The following TTC39A variants were observed in gnomAD, a reference collection of about 807,000 sequenced individuals.
TTC39A encodes the protein tetratricopeptide repeat domain 39A.
A neutral mutation model predicts 82.3 loss-of-function variants in TTC39A; 46 were observed. The observed-to-expected ratio is 0.56, with a 90% confidence interval of 0.44 to 0.71. The LOEUF (loss-of-function observed/expected upper bound fraction) is 0.71. Among genes scored for constraint, TTC39A ranks in the 30% least tolerant of loss-of-function variants. The probability of loss-of-function intolerance (pLI) is 0.00; values close to 1 mark genes in which losing one functional copy is unlikely to be tolerated. For synonymous variants in TTC39A, 254 were observed against 275.2 expected (o/e 0.92, Z 0.76); for missense variants, 543 against 712.9 (o/e 0.76, Z 2.71).
upstream of TTC39A, among the ~76,000 whole-genome samples, chr1:51,332,121 C>T (rs999221062): frequency 6.6e-6 from 1 of 152,196 alleles, no homozygotes; most frequent in African/African-American, 2.4e-5. Context: ...ATTCATGTAA[C>T]CGGGGGTGGA....
chr1:51,342,379 G>A (rs1646047743), intron 1 of TTC39A, among the ~76,000 whole-genome samples: 1 of 152,122 alleles, frequency 6.6e-6, no homozygotes, highest in Admixed American at 6.5e-5. Context: ...GTGACTGTTA[G>A]GTCCTTTACA....
upstream of TTC39A, chr1:51,331,286 A>G: frequency 6.5e-7 from 1 of 1,534,530 alleles, no homozygotes; most frequent in South Asian, 1.2e-5. Context: ...AACGCTCCCC[A>G]AATGTCCACT....
Position 51,312,141 on chromosome 1 carries a change from G to A in TTC39A, c.333C>T (p.Pro111=). ...TDSFSSLVNR[P]TLGQFTEEEI... ...CACCTTCAGTGAATTGGCCCAGCGT[G>A]GGGCGGTTCACCAGGCTGCTGAAGG... The change falls in exon 4 of 18, where the codon CCC becomes CCT. Residue 111 remains proline (P), a synonymous_variant. Coordinates refer to ENST00000680483, the MANE Select transcript of TTC39A (RefSeq NM_001297663.2). 2 of 1,611,662 alleles carry A rather than the reference G, an allele frequency of 1.2e-6. No individual in the cohort carries two copies. The highest frequency in any genetic ancestry group is 1.1e-5 in the South Asian group (1 of 90,308).
intron 1 of TTC39A, among the ~76,000 whole-genome samples, chr1:51,328,181 C>CTATTT (rs759792024): frequency 3.4e-4 from 51 of 152,224 alleles, no homozygotes; most frequent in South Asian, 1.0e-3. Context: ...GATCCTGTCT[C>CTATTT]TATTTTATTT....
At chr1:51,300,153 TG>T (rs1644597157) in intron 12 of TTC39A, 1 of 152,298 alleles carries the variant, frequency 6.6e-6, no homozygotes, top group Non-Finnish European at 1.5e-5. Context: ...AACAGCCATG[TG>T]GGTGGGAAAG....
chr1:51,330,755 G>A (rs933175700), upstream of TTC39A: 10 of 491,762 alleles, frequency 2.0e-5, no homozygotes, highest in Non-Finnish European at 2.9e-5. This position sits in a 1 kb window ranked among gnomAD's most constrained non-coding sequence, Gnocchi z 4.5. Flanking sequence ...CGCCCTCTGC[G>A]CAGACACCGC....
intron 15 of TTC39A, 76 bp downstream of exon 15, chr1:51,290,438 C>T: frequency 7.5e-7 from 1 of 1,325,558 alleles, no homozygotes; most frequent in Non-Finnish European, 1.0e-6. Context: ...GGAGGAAGGA[C>T]ATTTTTGGCA....
chr1:51,340,534 T>G (rs1646021753), intron 1 of TTC39A, among the ~76,000 whole-genome samples: 1 of 152,124 alleles, frequency 6.6e-6, no homozygotes, highest in Admixed American at 6.5e-5. Context: ...GCCCCCTTTC[T>G]CCTCCCCTCC....
chr1:51,320,872 T>G (rs1218372501), intron 2 of TTC39A, among the ~76,000 whole-genome samples: 3 of 108,322 alleles, frequency 2.8e-5, no homozygotes, highest in Non-Finnish European at 5.1e-5. Context: ...TGTTTTCTGG[T>G]TTTTTTTTTT....
chr1:51,317,179 G>C (rs1645315858), intron 2 of TTC39A, among the ~76,000 whole-genome samples: 2 of 152,200 alleles, frequency 1.3e-5, no homozygotes, highest in South Asian at 4.1e-4. Context: ...CACTGCATGG[G>C]ACCAGGACAA....
At chr1:51,330,756 C>G (rs1645889144), upstream of TTC39A, 1 of 502,934 alleles carries the variant, frequency 2.0e-6, no homozygotes, top group African/African-American at 2.0e-5. This position sits in a 1 kb window ranked among gnomAD's most constrained non-coding sequence, Gnocchi z 4.5. Flanking sequence ...GCCCTCTGCG[C>G]AGACACCGCC....
chr1:51,335,205 C>T (rs1365214243), upstream of TTC39A: 1 of 152,146 alleles, frequency 6.6e-6, no homozygotes, highest in Non-Finnish European at 1.5e-5. Flanking sequence ...TCTCAATGGC[C>T]CTGAGAACTT....
chr1:51,290,741 A>G, intron 14 of TTC39A, 116 bp from the exon 15 acceptor site: 2 of 766,850 alleles, frequency 2.6e-6, no homozygotes, highest in Non-Finnish European at 4.3e-6. Flanking sequence ...TCTAGCTCTA[A>G]TCATCCATGA....
intron 6 of TTC39A, among the ~76,000 whole-genome samples, chr1:51,308,245 CTTTTTT>C (rs527643647): frequency 2.1e-5 from 3 of 145,980 alleles, no homozygotes; most frequent in Non-Finnish European, 4.5e-5. Context: ...GCCACCCCCC[CTTTTTT>C]TTTTTTGAGA....
Position 51,316,879 on chromosome 1 carries a change from CAAACCACACACACAGCA to C in TTC39A, c.147-3953_147-3937del. Among the ~76,000 whole-genome samples, 4 of 152,296 alleles carry C rather than the reference CAAACCACACACACAGCA, an allele frequency of 2.6e-5. No individual in the cohort carries two copies. In the East Asian group the frequency reaches 5.8e-4, roughly 22 times the overall value. ...AATGACGCCAACCCAAGGGGGAGGG[CAAACCACACACACAGCA>C]GTCAGTGTGTGGTTTGTGCAGCTGG... On this transcript the variant is annotated intron_variant, in intron 2 of 17. Coordinates refer to ENST00000680483, the MANE Select transcript of TTC39A (RefSeq NM_001297663.2).
intron 1 of TTC39A, among the ~76,000 whole-genome samples, chr1:51,322,551 C>T (rs895617991): frequency 2.7e-5 from 4 of 150,488 alleles, no homozygotes; most frequent in African/African-American, 9.8e-5. Context: ...ACAAAGTAGG[C>T]TTTTAATAAA....
chr1:51,323,447 T>C (rs1410208645), intron 1 of TTC39A, among the ~76,000 whole-genome samples: 3 of 152,134 alleles, frequency 2.0e-5, no homozygotes, highest in East Asian at 3.8e-4. Flanking sequence ...CTATGCCCAA[T>C]ACCTTCTGGT....
At chr1:51,304,850 C>A (rs1363532828) in intron 8 of TTC39A, among the ~76,000 whole-genome samples, 1 of 152,224 alleles carries the variant, frequency 6.6e-6, no homozygotes, top group Non-Finnish European at 1.5e-5. Flanking sequence ...CACACCCACA[C>A]CCACCCAGAG....
chr1:51,313,681 C>G (rs1385632941), intron 2 of TTC39A, among the ~76,000 whole-genome samples: 1 of 152,186 alleles, frequency 6.6e-6, no homozygotes, highest in Non-Finnish European at 1.5e-5. Flanking sequence ...CAGGCCTTTG[C>G]CCAGCCTGTT....
Sources: gnomAD v4.1 joint callset for allele counts (sites outside exome capture counted in the v4.1 genomes callset) on GRCh38, gnomAD v4.1.1 for gene constraint, Gnocchi (gnomAD v3.1) non-coding constraint, MANE v1.5 for transcripts, NCBI Gene and HGNC (gene_info 2026-07-23, HGNC 2026-07-21) for gene names.